The following TGFBR3 variants were observed in gnomAD, a reference collection of about 807,000 sequenced individuals.
TGFBR3 encodes the protein transforming growth factor beta receptor type 3.
A neutral mutation model predicts 87.9 loss-of-function variants in TGFBR3; 46 were observed. That is an observed-to-expected ratio of 0.52 (90% CI 0.41 to 0.67). TGFBR3 has a LOEUF of 0.67. Ranked by LOEUF, TGFBR3 falls within the 30% of genes least tolerant of loss-of-function variation. The pLI is 0.00. For missense variants in TGFBR3, 866 were observed against 1,041.9 expected, an observed-to-expected ratio of 0.83 and a Z score of 2.32; for synonymous variants, 381 against 391.6, an observed-to-expected ratio of 0.97 and a Z score of 0.32.
intron 3 of TGFBR3, among the ~76,000 whole-genome samples, chr1:91,760,457 T>A (rs983471138): frequency 6.6e-6 from 1 of 152,114 alleles, no homozygotes; most frequent in Non-Finnish European, 1.5e-5. Flanking sequence ...ATAGACACGA[T>A]AATACACTTG....
intron 7 of TGFBR3, among the ~76,000 whole-genome samples, chr1:91,725,076 T>G (rs1672502946): frequency 6.6e-6 from 1 of 152,122 alleles, no homozygotes; most frequent in Non-Finnish European, 1.5e-5. Context: ...ACCATAAAAG[T>G]GATTATGCAT....
rs774573661 is a variant in TGFBR3, at chr1:91,727,790, T to C, written c.754A>G (p.Ile252Val). 4.3e-6 allele frequency: 7 copies of C among 1,613,960 alleles called. No homozygotes were observed. Among genetic ancestry groups the C allele is most frequent in the East Asian group, 4.5e-5 (2 of 44,840 alleles). The change falls in exon 7 of 17, where the codon ATA (isoleucine) becomes GTA (valine). Residue 252 changes from isoleucine (I) to valine (V), a missense_variant. Ile to Val is a conservative substitution (Grantham distance 29). Coordinates refer to ENST00000212355, the MANE Select transcript of TGFBR3 (RefSeq NM_003243.5). ...SNPYSAFQVDITIDIRPSQED... is the reference protein window; with the variant it reads ...SNPYSAFQVDVTIDIRPSQED... ...TGAGAAGGTCTTATATCAATTGTTA[T>C]ATCCACCTGGAAAGCACTGTGAATG...
Position 91,716,643 on chromosome 1 carries a change from C to G in TGFBR3, c.1632G>C (p.Glu544Asp). Residue 544 changes from glutamate to aspartate, a missense_variant, in exon 11 of 17, where the codon GAG (glutamate) becomes GAC (aspartate). By Grantham distance (45) the Glu-to-Asp change is conservative. Coordinates refer to ENST00000212355, the MANE Select transcript of TGFBR3 (RefSeq NM_003243.5). Reference protein sequence around the residue: ...SGWPDGYEDLESGDNGFPGDM... With the variant: ...SGWPDGYEDLDSGDNGFPGDM... ...CTCCCGGAAATCCATTATCACCTGA[C>G]TCCAGATCTTCATAACCATCTGGCC... 6.2e-7 allele frequency: 1 copy of G among 1,614,144 alleles called. No individual in the cohort carries two copies.
chr1:91,728,907 C>A (rs1392907961), intron 6 of TGFBR3, among the ~76,000 whole-genome samples: 3 of 152,024 alleles, frequency 2.0e-5, no homozygotes, highest in African/African-American at 7.3e-5. Flanking sequence ...CCTAATTATT[C>A]TTGATAGGGA....
chr1:91,770,981 C>T (rs1674357957), intron 3 of TGFBR3: 1 of 152,174 alleles, frequency 6.6e-6, no homozygotes, highest in South Asian at 2.1e-4. Flanking sequence ...CTGCAATCCA[C>T]AAAATTTATT....
At chr1:91,712,108 C>T in intron 13 of TGFBR3, 135 bp downstream of exon 13, 4 of 789,176 alleles carry the variant, frequency 5.1e-6, no homozygotes, top group Non-Finnish European at 8.6e-6. Context: ...CAGTTCCCTG[C>T]TAATAGTGAC....
chr1:91,748,475 T>C (rs1557690407), intron 4 of TGFBR3, among the ~76,000 whole-genome samples: 1 of 152,214 alleles, frequency 6.6e-6, no homozygotes, highest in East Asian at 1.9e-4. Context: ...TCAAGTGAAA[T>C]ACTGATATGA....
At chr1:91,900,436 G>A (rs1191254706) in intron 1 of TGFBR3, among the ~76,000 whole-genome samples, 2 of 152,152 alleles carry the variant, frequency 1.3e-5, no homozygotes, top group African/African-American at 2.4e-5. Flanking sequence ...TTAAATCTAA[G>A]TTGTTAGCTG....
intron 15 of TGFBR3, among the ~76,000 whole-genome samples, chr1:91,696,507 T>C (rs1053514060): frequency 6.6e-6 from 1 of 152,188 alleles, no homozygotes; most frequent in Non-Finnish European, 1.5e-5. Flanking sequence ...GCAAAACATA[T>C]AAATAGAACC....
chr1:91,797,497 C>A, intron 2 of TGFBR3, 26 bp from the exon 3 acceptor site: 1 of 1,614,098 alleles, frequency 6.2e-7, no homozygotes, highest in Non-Finnish European at 8.5e-7. Flanking sequence ...CAAACACAAG[C>A]CACTCAGAAA....
intron 2 of TGFBR3, among the ~76,000 whole-genome samples, chr1:91,812,580 A>AC (rs1418241030): frequency 2.0e-5 from 3 of 152,136 alleles, no homozygotes; most frequent in Non-Finnish European, 2.9e-5. Context: ...TACTATATCT[A>AC]CCAAATGGTC....
intron 3 of TGFBR3, among the ~76,000 whole-genome samples, chr1:91,791,514 C>T (rs1451110676): frequency 1.3e-5 from 2 of 152,162 alleles, no homozygotes; most frequent in Non-Finnish European, 2.9e-5. Context: ...AAAAGGACTC[C>T]AAGCACTGCA....
At chr1:91,865,798 G>GT (rs1159378455) in intron 1 of TGFBR3, among the ~76,000 whole-genome samples, 7 of 151,940 alleles carry the variant, frequency 4.6e-5, no homozygotes, top group Non-Finnish European at 2.9e-5. Context: ...TGTAGTCCCA[G>GT]CTACTCGGGA....
intron 3 of TGFBR3, among the ~76,000 whole-genome samples, chr1:91,776,630 G>A (rs138854299): frequency 1.4e-3 from 207 of 152,290 alleles, no homozygotes; most frequent in African/African-American, 4.6e-3. Context: ...GCCTACCAGC[G>A]TTTGACTTTG....
intron 7 of TGFBR3, among the ~76,000 whole-genome samples, chr1:91,724,875 GA>G (rs1399281845): frequency 2.0e-5 from 3 of 152,184 alleles, no homozygotes; most frequent in Non-Finnish European, 4.4e-5. Context: ...TGGTATAGGG[GA>G]GGGAGGACTA....
chr1:91,746,572 G>GTCC (rs1317710836), intron 4 of TGFBR3, among the ~76,000 whole-genome samples: 1 of 151,958 alleles, frequency 6.6e-6, no homozygotes, highest in East Asian at 1.9e-4. Context: ...ATCTAATTTT[G>GTCC]TCCTCCAAAT....
intron 16 of TGFBR3, among the ~76,000 whole-genome samples, chr1:91,689,521 G>T (rs2100698447): frequency 6.6e-6 from 1 of 152,058 alleles, no homozygotes; most frequent in East Asian, 1.9e-4. Flanking sequence ...ATACATGAGT[G>T]AACAAACCAA....
At chr1:91,712,051 G>A (rs1671998764) in intron 13 of TGFBR3, among the ~76,000 whole-genome samples, 192 bp downstream of exon 13, 1 of 152,194 alleles carries the variant, frequency 6.6e-6, no homozygotes, top group Non-Finnish European at 1.5e-5. Context: ...ATGGAAAAAA[G>A]AAACTCATGC....
At chr1:91,741,286 T>A (rs1673150089) in intron 4 of TGFBR3, among the ~76,000 whole-genome samples, 3 of 152,064 alleles carry the variant, frequency 2.0e-5, no homozygotes, top group Admixed American at 6.5e-5. Context: ...TCATTTATGA[T>A]AAAGGATACA....
Sources: allele counts gnomAD v4.1 joint callset (sites outside exome capture counted in the v4.1 genomes callset), GRCh38; gene constraint gnomAD v4.1.1; transcripts MANE v1.5; gene names NCBI Gene and HGNC (gene_info 2026-07-23, HGNC 2026-07-21).